Variants in MIPOL1 observed in about 807,000 individuals in gnomAD.
The protein encoded by MIPOL1 is mirror-image polydactyly 1, also known as mirror-image polydactyly gene 1 protein.
Under a neutral mutation model 60.9 loss-of-function variants are expected in MIPOL1, and 57 were observed. The observed-to-expected ratio is 0.94, with a 90% CI of 0.76 to 1.17. The LOEUF is 1.17. MIPOL1 is among the 50% of genes most tolerant of loss of function. The pLI, the probability that MIPOL1 is intolerant of heterozygous loss-of-function variation, is 0.00. For missense variants in MIPOL1, 551 were observed against 511.6 expected, an observed-to-expected ratio of 1.08 and a Z score of -0.74; for synonymous variants, 179 against 168.8, an observed-to-expected ratio of 1.06 and a Z score of -0.47.
At chr14:37,502,254 G>T (rs539157391) in intron 12 of MIPOL1, 1 of 152,450 alleles carries the variant, frequency 6.6e-6, no homozygotes, top group South Asian at 2.1e-4. Flanking sequence ...GGTTATCTCA[G>T]CATGGCATTT....
Position 37,548,361 on chromosome 14 carries a change from T to C in MIPOL1, c.*1390T>C, listed in dbSNP as rs1232556014. On this transcript the variant is annotated 3_prime_UTR_variant, in exon 13 of 13. Transcript: ENST00000684589. Reference sequence around the variant, plus strand: ...ATAGATCACAAAAGAATCATAATGCTAACAAACTCTATTTCTTCCTTATTA... The same window carrying C: ...ATAGATCACAAAAGAATCATAATGCCAACAAACTCTATTTCTTCCTTATTA... 6.6e-6 allele frequency: 1 copy of C among 152,018 alleles called. No individual in the cohort carries two copies. Among genetic ancestry groups the C allele is most frequent in the East Asian group, 1.9e-4 (1 of 5,196 alleles). 9.4% of individuals were successfully genotyped at this position (152,018 alleles called of 1,614,324 possible). A position where few individuals can be genotyped will look rare whatever the true frequency, so the allele number is the denominator to read the frequency against.
intron 10 of MIPOL1, among the ~76,000 whole-genome samples, chr14:37,375,660 G>A (rs2092756777): frequency 6.6e-6 from 1 of 152,050 alleles, no homozygotes; most frequent in South Asian, 2.1e-4. Context: ...AACCTAAGAA[G>A]AATAGCTCAT....
intron 12 of MIPOL1, among the ~76,000 whole-genome samples, chr14:37,543,085 C>T (rs1372747253): frequency 6.6e-6 from 1 of 152,112 alleles, no homozygotes; most frequent in Non-Finnish European, 1.5e-5. Context: ...GCCACCAAAA[C>T]CAGAATCCTG....
At chr14:37,281,592 A>G (rs1356329038) in intron 6 of MIPOL1, among the ~76,000 whole-genome samples, 2 of 152,006 alleles carry the variant, frequency 1.3e-5, no homozygotes, top group Non-Finnish European at 2.9e-5. Context: ...TTTGGTAGAT[A>G]TGGGGTTTTG....
intron 10 of MIPOL1, among the ~76,000 whole-genome samples, chr14:37,388,486 GT>G (rs77450180): frequency 0.02 from 2,519 of 124,440 alleles, 29 homozygotes; most frequent in Middle Eastern, 0.038. Context: ...TTTTTTTTGT[GT>G]TTTTTTTTTT....
At chr14:37,299,879 G>A (rs994165614) in intron 7 of MIPOL1, among the ~76,000 whole-genome samples, 3 of 151,878 alleles carry the variant, frequency 2.0e-5, no homozygotes, top group Non-Finnish European at 2.9e-5. Context: ...GCCTGTCCTG[G>A]GCTGTGACAT....
intron 6 of MIPOL1, among the ~76,000 whole-genome samples, chr14:37,271,067 G>A (rs17106535): frequency 0.3 from 46,098 of 151,822 alleles, 7,220 homozygotes; most frequent in East Asian, 0.46. Context: ...CAAACTTTCA[G>A]ATTATGAATG....
chr14:37,346,842 C>A (rs964981177), intron 9 of MIPOL1, among the ~76,000 whole-genome samples: 3 of 152,084 alleles, frequency 2.0e-5, no homozygotes, highest in Non-Finnish European at 4.4e-5. Flanking sequence ...AAATAGACAA[C>A]TTACTGGTTC....
intron 9 of MIPOL1, among the ~76,000 whole-genome samples, chr14:37,316,681 A>G (rs2153441711): frequency 6.6e-6 from 1 of 151,824 alleles, no homozygotes; most frequent in South Asian, 2.1e-4. Context: ...AAAAAGGAAA[A>G]GTGATGTTTT....
intron 6 of MIPOL1, among the ~76,000 whole-genome samples, chr14:37,279,332 C>G (rs1444014023): frequency 6.7e-6 from 1 of 150,308 alleles, no homozygotes; most frequent in Admixed American, 6.7e-5. Context: ...TTATTCATTC[C>G]ATCATAATTT....
chr14:37,546,154 G>A (rs904937845), intron 12 of MIPOL1: 1 of 152,518 alleles, frequency 6.6e-6, no homozygotes, highest in African/African-American at 2.4e-5. Flanking sequence ...ACTGCAGAAT[G>A]GACTTGTGAA....
chr14:37,527,682 T>C (rs2095456175), intron 12 of MIPOL1, among the ~76,000 whole-genome samples: 1 of 152,152 alleles, frequency 6.6e-6, no homozygotes, highest in South Asian at 2.1e-4. Flanking sequence ...TAAAAAACTC[T>C]GCTTCTTTTC....
chr14:37,449,510 C>T (rs867572068), intron 11 of MIPOL1, among the ~76,000 whole-genome samples: 11 of 152,100 alleles, frequency 7.2e-5, no homozygotes, highest in South Asian at 2.1e-4. Context: ...TGAAATAATT[C>T]GTTGCTTTTA....
chr14:37,405,244 CAG>C (rs764582931), intron 10 of MIPOL1, among the ~76,000 whole-genome samples: 16 of 152,150 alleles, frequency 1.1e-4, no homozygotes, highest in Non-Finnish European at 1.6e-4. Context: ...CAAAAGGAAA[CAG>C]GGGATTCTTT....
chr14:37,458,089 G>T (rs574320236), intron 11 of MIPOL1, among the ~76,000 whole-genome samples: 1 of 151,544 alleles, frequency 6.6e-6, no homozygotes, highest in Non-Finnish European at 1.5e-5. Context: ...AAAAGATAAA[G>T]TCATTATATA....
At chr14:37,469,895 C>A (rs781484354) in intron 11 of MIPOL1, among the ~76,000 whole-genome samples, 29 of 152,266 alleles carry the variant, frequency 1.9e-4, no homozygotes, top group Admixed American at 7.8e-4. Flanking sequence ...AAATGAACTT[C>A]TATTATTTGT....
At position 37,220,818 on chromosome 14, in the gene MIPOL1, C is replaced by T. The variant is rs182381150; in HGVS notation, c.-199+22714C>T. Among the ~76,000 whole-genome samples the T allele has an allele frequency of 1.6e-3, 239 of 152,168 alleles. 1 individual carries two copies. The highest frequency in any genetic ancestry group is 5.3e-3 in the African/African-American group (220 of 41,506). ...TAATAGAGAGTCTCCCTCTGTCCCCCGGGCTGGAGTGCAGTGGCATGATCA... is the reference window on the plus strand; with the variant it reads ...TAATAGAGAGTCTCCCTCTGTCCCCTGGGCTGGAGTGCAGTGGCATGATCA... On this transcript the variant is annotated intron_variant, in intron 1 of 12. Transcript: ENST00000684589.
intron 7 of MIPOL1, among the ~76,000 whole-genome samples, chr14:37,293,830 G>A (rs1294949655): frequency 2.0e-5 from 3 of 152,192 alleles, no homozygotes; most frequent in African/African-American, 4.8e-5. Flanking sequence ...ACTGGGTGGG[G>A]CCCACCACAG....
intron 7 of MIPOL1, among the ~76,000 whole-genome samples, chr14:37,296,674 C>T (rs974232189): frequency 2.0e-5 from 3 of 152,162 alleles, no homozygotes; most frequent in Non-Finnish European, 4.4e-5. Context: ...ATACTATAAA[C>T]ACCTCTACAC....
Sources: allele counts gnomAD v4.1 joint callset (sites outside exome capture counted in the v4.1 genomes callset), GRCh38; gene constraint gnomAD v4.1.1; transcripts MANE v1.5; gene names NCBI Gene and HGNC (gene_info 2026-07-23, HGNC 2026-07-21).